The following TMEM132D variants were observed in gnomAD, a reference collection of about 807,000 sequenced individuals.
TMEM132D encodes mature OL transmembrane protein.
A neutral mutation model predicts 62.3 loss-of-function variants in TMEM132D; 21 were observed. That is an observed-to-expected ratio of 0.34 (90% CI 0.24 to 0.49). The LOEUF is 0.49. Among genes scored for constraint, TMEM132D ranks in the 20% least tolerant of loss-of-function variants. TMEM132D has a pLI of 0.99. For synonymous variants in TMEM132D, 621 were observed against 575.6 expected (o/e 1.08, Z -1.13); for missense variants, 1,346 against 1,402.8 (o/e 0.96, Z 0.65).
chr12:129,129,608 C>T (rs940486318), intron 5 of TMEM132D, among the ~76,000 whole-genome samples: 9 of 152,202 alleles, frequency 5.9e-5, no homozygotes, highest in African/African-American at 2.2e-4. Flanking sequence ...TTCCTACCAA[C>T]AGTGTATAAG....
chr12:129,190,943 C>A (rs1486636), intron 5 of TMEM132D, among the ~76,000 whole-genome samples: 74,180 of 151,720 alleles, frequency 0.49, 19,281 homozygotes, highest in Non-Finnish European at 0.57. Context: ...CGGGTGCTGC[C>A]TCCGCACAAA....
intron 2 of TMEM132D, among the ~76,000 whole-genome samples, chr12:129,642,667 G>A (rs886418047): frequency 1.3e-5 from 2 of 152,128 alleles, no homozygotes; most frequent in African/African-American, 4.8e-5. Context: ...GACAAGAACG[G>A]TATTTTCCAA....
At chr12:129,519,120 T>C (rs1178818821) in intron 3 of TMEM132D, among the ~76,000 whole-genome samples, 2 of 152,190 alleles carry the variant, frequency 1.3e-5, no homozygotes, top group Admixed American at 1.3e-4. Context: ...CCGAGCTCCT[T>C]TTAAGGAAGG....
intron 1 of TMEM132D, among the ~76,000 whole-genome samples, chr12:129,722,476 C>T (rs1368258668): frequency 6.6e-6 from 1 of 152,192 alleles, no homozygotes; most frequent in African/African-American, 2.4e-5. Flanking sequence ...GAACACTGAA[C>T]ATCTTCTTGG....
At chr12:129,086,829 T>C (rs996993411) in intron 5 of TMEM132D, among the ~76,000 whole-genome samples, 2 of 151,676 alleles carry the variant, frequency 1.3e-5, no homozygotes, top group Non-Finnish European at 2.9e-5. Context: ...ATAACATGAG[T>C]GCAGGTATTT....
At chr12:129,627,142 G>A (rs1450823430) in intron 2 of TMEM132D, among the ~76,000 whole-genome samples, 2 of 152,040 alleles carry the variant, frequency 1.3e-5, no homozygotes, top group Non-Finnish European at 1.5e-5. Flanking sequence ...TACACATGAC[G>A]AGAACTAGGC....
At chr12:129,164,913 A>G (rs892143823) in intron 5 of TMEM132D, among the ~76,000 whole-genome samples, 3 of 152,180 alleles carry the variant, frequency 2.0e-5, no homozygotes, top group Non-Finnish European at 4.4e-5. Flanking sequence ...CAATCAAAAC[A>G]TATGTCTTCA....
chr12:129,758,819 A>G (rs4759600), intron 1 of TMEM132D, among the ~76,000 whole-genome samples: 1 of 152,052 alleles, frequency 6.6e-6, no homozygotes. Context: ...GAAATACTGT[A>G]TAATGTCCTA....
chr12:129,460,324 TCTC>T (rs1315252959), intron 3 of TMEM132D, among the ~76,000 whole-genome samples: 1 of 152,148 alleles, frequency 6.6e-6, no homozygotes, highest in Non-Finnish European at 1.5e-5. Context: ...CTGCCACACA[TCTC>T]CTCAATTTCT....
At chr12:129,435,042 C>G (rs1872752060) in intron 3 of TMEM132D, among the ~76,000 whole-genome samples, 1 of 152,156 alleles carries the variant, frequency 6.6e-6, no homozygotes, top group Admixed American at 6.5e-5. Flanking sequence ...ATTTAGATTC[C>G]ACACAGGCGT....
At chr12:129,890,389 T>C (rs1264163539) in intron 1 of TMEM132D, among the ~76,000 whole-genome samples, 1 of 152,202 alleles carries the variant, frequency 6.6e-6, no homozygotes, top group Admixed American at 6.5e-5. Context: ...AATGGTACTA[T>C]TGGGATTGGG....
rs56018646 is a variant in TMEM132D, at chr12:129,285,539, A to AAAAAAAAAAAAAAAAG, written c.1299+52094_1299+52095insCTTTTTTTTTTTTTTT. Among the ~76,000 whole-genome samples, 612 of 89,840 alleles carry AAAAAAAAAAAAAAAAG rather than the reference A, an allele frequency of 6.8e-3. 21 individuals are homozygous for AAAAAAAAAAAAAAAAG. The highest frequency in any genetic ancestry group is 9.3e-3 in the Middle Eastern group (1 of 108). 58.9% of individuals were successfully genotyped at this position (89,840 alleles called of 152,430 possible). ...GAGACTGTGTCTCAAAAAAAAAAAAAAGAGAGAGAGAGAGAGGCTCCCATT... is the reference window on the plus strand; with the variant it reads ...GAGACTGTGTCTCAAAAAAAAAAAAAAAAAAAAAAAAAAAAGAGAGAGAGAGAGAGAGGCTCCCATT... On this transcript the variant is annotated intron_variant, in intron 4 of 8. Coordinates refer to ENST00000422113, the MANE Select transcript of TMEM132D (RefSeq NM_133448.3).
At chr12:129,606,556 T>G (rs1217299924) in intron 2 of TMEM132D, among the ~76,000 whole-genome samples, 1 of 152,062 alleles carries the variant, frequency 6.6e-6, no homozygotes, top group Non-Finnish European at 1.5e-5. Context: ...AGGACCAGGC[T>G]GGACAAGATG....
intron 1 of TMEM132D, among the ~76,000 whole-genome samples, chr12:129,815,368 A>T (rs901240783): frequency 2.0e-5 from 3 of 152,122 alleles, no homozygotes; most frequent in African/African-American, 4.8e-5. Flanking sequence ...CAACATAATA[A>T]ATAAGTAATT....
intron 4 of TMEM132D, among the ~76,000 whole-genome samples, chr12:129,214,785 T>C (rs7960645): frequency 0.3 from 46,005 of 152,036 alleles, 7,093 homozygotes; most frequent in East Asian, 0.49. Context: ...AGAATAGCTA[T>C]TATTAAAAAG....
chr12:129,286,297 T>C (rs1214993867), intron 4 of TMEM132D, among the ~76,000 whole-genome samples: 3 of 152,188 alleles, frequency 2.0e-5, no homozygotes, highest in Non-Finnish European at 4.4e-5. Flanking sequence ...TGGTGTTTAA[T>C]AAAATTCAGA....
At chr12:129,897,254 T>C (rs1875172202) in intron 1 of TMEM132D, among the ~76,000 whole-genome samples, 1 of 152,250 alleles carries the variant, frequency 6.6e-6, no homozygotes, top group African/African-American at 2.4e-5. Context: ...AAGTGTGCTG[T>C]CTGGCGTCAA....
chr12:129,077,262 G>A (rs2135608704), intron 8 of TMEM132D, among the ~76,000 whole-genome samples: 1 of 152,260 alleles, frequency 6.6e-6, no homozygotes, highest in South Asian at 2.1e-4. Context: ...CCGAGGAAGA[G>A]TGCGCAGAAA....
intron 1 of TMEM132D, among the ~76,000 whole-genome samples, chr12:129,863,991 C>A (rs1016168584): frequency 1.3e-5 from 2 of 152,100 alleles, no homozygotes; most frequent in Non-Finnish European, 2.9e-5. Context: ...AGCCCAATTG[C>A]GCTACCACTA....
Sources: gnomAD v4.1 joint callset for allele counts (sites outside exome capture counted in the v4.1 genomes callset) on GRCh38, gnomAD v4.1.1 for gene constraint, MANE v1.5 for transcripts, NCBI Gene and HGNC (gene_info 2026-07-23, HGNC 2026-07-21) for gene names.